PRELID2: variants seen among roughly 807,000 people sequenced by gnomAD.
PRELID2 encodes PRELI domain-containing protein 2.
PRELID2 carries 25 observed loss-of-function variants against 28.4 expected under a neutral mutation model. That is an observed-to-expected ratio of 0.88 (90% CI 0.64 to 1.23). PRELID2 has a LOEUF of 1.23. PRELID2 is among the 50% of genes most tolerant of loss of function. The probability of loss-of-function intolerance (pLI) is 0.00; values close to 1 mark genes in which losing one functional copy is unlikely to be tolerated. For missense variants in PRELID2, 201 were observed against 214.4 expected (o/e 0.94, Z 0.39); for synonymous variants, 76 against 71.6 (o/e 1.06, Z -0.31).
chr5:145,807,260 T>C (rs965478805), intron 4 of PRELID2, among the ~76,000 whole-genome samples: 1 of 152,188 alleles, frequency 6.6e-6, no homozygotes, highest in African/African-American at 2.4e-5. Flanking sequence ...GGACTGTATC[T>C]CAAAAGCTCC....
chr5:145,305,522 C>T, the PRELID2 span, among the ~76,000 whole-genome samples: 1 of 152,134 alleles, frequency 6.6e-6, no homozygotes, highest in Admixed American at 6.6e-5. Flanking sequence ...CCATAATGAA[C>T]ATGCAACAAC....
intron 1 of PRELID2, among the ~76,000 whole-genome samples, chr5:145,710,975 A>G (rs1388681771): frequency 6.6e-6 from 1 of 152,208 alleles, no homozygotes; most frequent in African/African-American, 2.4e-5. Flanking sequence ...ATTAGAATAG[A>G]CAATAAGTAA....
the PRELID2 span, among the ~76,000 whole-genome samples, chr5:145,242,965 T>G: frequency 1.3e-5 from 2 of 152,176 alleles, no homozygotes; most frequent in African/African-American, 4.8e-5. Flanking sequence ...CCATTTATTT[T>G]CATTATTCTA....
intron 1 of PRELID2, among the ~76,000 whole-genome samples, chr5:145,538,321 A>G (rs1752719060): frequency 6.6e-6 from 1 of 151,842 alleles, no homozygotes; most frequent in Non-Finnish European, 1.5e-5. Context: ...ATTGCTTTGC[A>G]TACTTGGGGT....
downstream of PRELID2, among the ~76,000 whole-genome samples, chr5:145,751,851 G>A (rs549686432): frequency 2.0e-5 from 3 of 152,032 alleles, no homozygotes; most frequent in South Asian, 2.1e-4. Flanking sequence ...GCGTGGTGGC[G>A]GGTGCCTGTA....
At chr5:145,251,769 C>T in the PRELID2 span, among the ~76,000 whole-genome samples, 1 of 152,046 alleles carries the variant, frequency 6.6e-6, no homozygotes, top group Admixed American at 6.6e-5. Context: ...CTTGCCTCTT[C>T]CCCAGCTTGC....
At chr5:145,391,454 G>A in the PRELID2 span, among the ~76,000 whole-genome samples, 21 of 152,280 alleles carry the variant, frequency 1.4e-4, no homozygotes, top group East Asian at 1.9e-4. Flanking sequence ...AGAGAGGCCC[G>A]TGGCCTGGCC....
At chr5:145,399,536 C>T in the PRELID2 span, among the ~76,000 whole-genome samples, 1 of 152,042 alleles carries the variant, frequency 6.6e-6, no homozygotes, top group African/African-American at 2.4e-5. Flanking sequence ...ATAAATACCT[C>T]CTTTTATCAG....
chr5:145,373,716 TATATG>T, the PRELID2 span, among the ~76,000 whole-genome samples: 1 of 59,244 alleles, frequency 1.7e-5, no homozygotes, highest in South Asian at 1.3e-3. Context: ...ATATATAATA[TATATG>T]ATATTATATA....
intron 1 of PRELID2, among the ~76,000 whole-genome samples, chr5:145,589,769 A>C (rs1390613855): frequency 6.6e-6 from 1 of 152,082 alleles, no homozygotes; most frequent in Non-Finnish European, 1.5e-5. Flanking sequence ...TCTTTCCTAC[A>C]CTAAACTCAT....
chr5:145,371,546 C>T, the PRELID2 span, among the ~76,000 whole-genome samples: 3 of 152,044 alleles, frequency 2.0e-5, no homozygotes, highest in Non-Finnish European at 4.4e-5. Flanking sequence ...TACCAATGTT[C>T]ATCAGGAATA....
At chr5:145,242,810 A>T in the PRELID2 span, among the ~76,000 whole-genome samples, 2 of 152,076 alleles carry the variant, frequency 1.3e-5, no homozygotes, top group Non-Finnish European at 1.5e-5. Context: ...CTAAAAGCAT[A>T]CTTGTTTCAG....
chr5:145,682,439 C>T (rs1434237884), intron 1 of PRELID2, among the ~76,000 whole-genome samples: 1 of 152,132 alleles, frequency 6.6e-6, no homozygotes, highest in Non-Finnish European at 1.5e-5. Context: ...TGAGGAGTCA[C>T]AATCTGGTAT....
chr5:145,832,159 G>C (rs9716744), intron 1 of PRELID2, among the ~76,000 whole-genome samples: 80,821 of 151,968 alleles, frequency 0.53, 24,222 homozygotes, highest in Non-Finnish European at 0.69. Context: ...AAAACACATT[G>C]AGCACAGCCA....
At chr5:145,716,492 A>G (rs1185789900) in intron 1 of PRELID2, among the ~76,000 whole-genome samples, 1 of 152,170 alleles carries the variant, frequency 6.6e-6, no homozygotes, top group African/African-American at 2.4e-5. Context: ...TTCTTCTTCT[A>G]TCTATATATT....
the PRELID2 span, among the ~76,000 whole-genome samples, chr5:145,357,870 G>A: frequency 3.3e-5 from 5 of 151,010 alleles, no homozygotes; most frequent in East Asian, 1.9e-4. Flanking sequence ...TCATCTGTGC[G>A]TGCTGACATT....
At position 145,781,153 on chromosome 5, in the gene PRELID2, A is replaced by G. The variant is rs76426945; in HGVS notation, c.474+15289T>C. 6.4e-4 allele frequency among the ~76,000 whole-genome samples: 97 copies of G among 152,240 alleles called. No individual in the cohort carries two copies. The East Asian group carries it at 0.016, about 26-fold the overall frequency. ...GGTCTTTCAGGAAGGATGAAATTCT[A>G]TCTTAGAGTGGGGAGCCAGGATGAG... On this transcript the variant is annotated intron_variant, in intron 5 of 6. Coordinates refer to ENST00000683046, the MANE Select transcript of PRELID2 (RefSeq NM_205846.3).
At chr5:145,503,966 G>A (rs1226861091) in intron 1 of PRELID2, among the ~76,000 whole-genome samples, 1 of 152,172 alleles carries the variant, frequency 6.6e-6, no homozygotes, top group Non-Finnish European at 1.5e-5. Context: ...CATTTACACT[G>A]GACCAGGCTC....
At chr5:145,373,335 T>TATATATTACAACATATATAATATACG in the PRELID2 span, among the ~76,000 whole-genome samples, 2 of 94,942 alleles carry the variant, frequency 2.1e-5, no homozygotes, top group African/African-American at 7.8e-5. Flanking sequence ...TAATATACGA[T>TATATATTACAACATATATAATATACG]ATATATTACA....
Sources: gnomAD v4.1 joint callset for allele counts (sites outside exome capture counted in the v4.1 genomes callset) on GRCh38, gnomAD v4.1.1 for gene constraint, MANE v1.5 for transcripts, NCBI Gene and HGNC (gene_info 2026-07-23, HGNC 2026-07-21) for gene names.